Variants in NFKB1 observed in about 807,000 individuals in gnomAD.
NFKB1 encodes the protein nuclear factor kappa B subunit 1.
In NFKB1, 9 loss-of-function variants were observed where a neutral mutation model predicts 105.1. The observed-to-expected ratio is 0.09, with a 90% CI of 0.05 to 0.15. The LOEUF (loss-of-function observed/expected upper bound fraction) is 0.15, where lower values mean the gene tolerates loss of function less well. Ranked by LOEUF, NFKB1 falls within the 10% of genes least tolerant of loss-of-function variation. The pLI, the probability that NFKB1 is intolerant of heterozygous loss-of-function variation, is 1.00. For missense variants in NFKB1, 830 were observed against 1,203.7 expected (o/e 0.69, Z 4.59); for synonymous variants, 440 against 442.2 (o/e 1.00, Z 0.06).
intron 2 of NFKB1, among the ~76,000 whole-genome samples, chr4:102,526,637 A>C (rs985599568): frequency 6.6e-6 from 1 of 152,160 alleles, no homozygotes; most frequent in Non-Finnish European, 1.5e-5. Flanking sequence ...TTGAAGAATC[A>C]CTTAGTCCCC....
intron 1 of NFKB1, among the ~76,000 whole-genome samples, chr4:102,518,610 A>ATT (rs1740358903): frequency 6.6e-6 from 1 of 152,206 alleles, no homozygotes; most frequent in South Asian, 2.1e-4. Flanking sequence ...GAATCACCAC[A>ATT]AAGCAAATTA....
chr4:102,516,698 T>A (rs972225887), intron 1 of NFKB1, among the ~76,000 whole-genome samples: 1 of 152,222 alleles, frequency 6.6e-6, no homozygotes, highest in Non-Finnish European at 1.5e-5. Context: ...GTCATTTGTG[T>A]CATTTTTTTT....
At chr4:102,594,765 C>T in intron 12 of NFKB1, 127 bp from the exon 13 acceptor site, 1 of 570,738 alleles carries the variant, frequency 1.8e-6, no homozygotes, top group East Asian at 2.8e-5. Context: ...ACAGAAAAAC[C>T]ATGTGTGGGC....
In NFKB1 at chr4:102,579,529, T is replaced by G. The variant is rs1004157901; in HGVS notation, c.730+490T>G. ...CAGCATGTGACTTCAAAATCCTATT[T>G]CAAGCCGGGTTTGGCGTCATGCCCT... On this transcript the variant is annotated intron_variant, in intron 8 of 23. Coordinates refer to ENST00000226574, the MANE Select transcript of NFKB1 (RefSeq NM_003998.4). Among the ~76,000 whole-genome samples, 3 of 151,784 alleles carry G rather than the reference T, an allele frequency of 2.0e-5. No homozygotes were observed. The East Asian group carries it at 5.8e-4, about 29-fold the overall frequency.
chr4:102,576,743 C>A, intron 6 of NFKB1, 133 bp from the exon 7 acceptor site: 2 of 918,414 alleles, frequency 2.2e-6, no homozygotes, highest in Non-Finnish European at 3.3e-6. Flanking sequence ...ATGCATGTAG[C>A]CCCAAGAGAT....
intron 22 of NFKB1, 122 bp from the exon 23 acceptor site, chr4:102,613,303 T>G: frequency 9.9e-7 from 1 of 1,007,324 alleles, no homozygotes. Flanking sequence ...CCCTTTCCAT[T>G]TCCTCCTGGC....
chr4:102,576,251 T>C (rs1724810768), intron 6 of NFKB1, among the ~76,000 whole-genome samples: 1 of 152,188 alleles, frequency 6.6e-6, no homozygotes, highest in South Asian at 2.1e-4. Flanking sequence ...GAAGATGAGA[T>C]TATAAGTAGA....
intron 11 of NFKB1, 22 bp downstream of exon 11, chr4:102,584,842 T>C: frequency 6.4e-7 from 1 of 1,572,706 alleles, no homozygotes; most frequent in Non-Finnish European, 8.6e-7. Flanking sequence ...GTTTAAAATC[T>C]TATGCTCATA....
At chr4:102,607,406 G>C (rs1727873918) in intron 18 of NFKB1, 87 bp downstream of exon 18, 4 of 1,411,950 alleles carry the variant, frequency 2.8e-6, no homozygotes, top group Admixed American at 1.8e-5. Flanking sequence ...AGTAGCTGCT[G>C]TTCTCCCTTA....
At position 102,558,383 on chromosome 4, in the gene NFKB1, TTC is replaced by T. The variant is rs1723149412; in HGVS notation, c.259-8602_259-8601del. Among the ~76,000 whole-genome samples the T allele has an allele frequency of 2.0e-5, 3 of 152,312 alleles. No individual in the cohort carries two copies. In the South Asian group the frequency reaches 6.2e-4, roughly 32 times the overall value. ...TGTCCCTGCAAAGGACATGATCTTG[TTC>T]TTTTTCATTTCTGCATAGTATTCAA... On this transcript the variant is annotated intron_variant, in intron 5 of 23. Transcript: ENST00000226574.
At chr4:102,531,439 T>G (rs1741282955) in intron 3 of NFKB1, among the ~76,000 whole-genome samples, 1 of 152,208 alleles carries the variant, frequency 6.6e-6, no homozygotes, top group Non-Finnish European at 1.5e-5. Context: ...TATTCAAATT[T>G]TTAAAGAGGT....
chr4:102,581,032 C>A (rs1578791064), intron 9 of NFKB1, among the ~76,000 whole-genome samples: 2 of 152,224 alleles, frequency 1.3e-5, no homozygotes, highest in East Asian at 3.9e-4. Context: ...GTTTTTATTT[C>A]TTTTGCAATG....
At chr4:102,609,312 G>A (rs1055153137) in intron 19 of NFKB1, among the ~76,000 whole-genome samples, 20 of 151,886 alleles carry the variant, frequency 1.3e-4, no homozygotes, top group African/African-American at 4.1e-4. Flanking sequence ...TCTTAATGTC[G>A]TGGAAAAGGT....
At chr4:102,528,622 G>A (rs1405939067) in intron 2 of NFKB1, among the ~76,000 whole-genome samples, 1 of 152,120 alleles carries the variant, frequency 6.6e-6, no homozygotes, top group Non-Finnish European at 1.5e-5. Flanking sequence ...AATATGGCTG[G>A]TTTCCATGCT....
intron 21 of NFKB1, 56 bp from the exon 22 acceptor site, chr4:102,612,378 C>T: frequency 2.6e-6 from 4 of 1,563,096 alleles, no homozygotes; most frequent in Non-Finnish European, 3.5e-6. Flanking sequence ...TGATCAGTCC[C>T]TCCAGAGTGT....
Position 102,607,274 on chromosome 4 carries a change from T to A in NFKB1, c.2079T>A (p.Ala693=). The A allele has an allele frequency of 6.2e-7, 1 of 1,614,198 alleles. No homozygotes were observed. Among genetic ancestry groups the A allele is most frequent in the Non-Finnish European group, 8.5e-7 (1 of 1,179,996 alleles). ...CCGGGCGCACAGCACTGCACCTGGC[T>A]GTGGAGCACGACAACATCTCATTGG... ...QKSGRTALHL[A]VEHDNISLAG... is the part of the protein sequence containing the mutation. The change falls in exon 18 of 24, where the codon GCT becomes GCA. Residue 693 remains alanine (A), a synonymous_variant. Coordinates refer to ENST00000226574, the MANE Select transcript of NFKB1 (RefSeq NM_003998.4).
chr4:102,586,977 G>A (rs1014406934), intron 11 of NFKB1, among the ~76,000 whole-genome samples: 1 of 152,246 alleles, frequency 6.6e-6, no homozygotes, highest in Admixed American at 6.5e-5. Context: ...CTTTTCTGAG[G>A]TTGTGGCCTC....
At chr4:102,511,008 T>C in intron 1 of NFKB1, 1 of 1,192,918 alleles carries the variant, frequency 8.4e-7, no homozygotes, top group Middle Eastern at 2.2e-4. Flanking sequence ...GGATTGGAGA[T>C]GAGGAGGGGT....
intron 5 of NFKB1, among the ~76,000 whole-genome samples, chr4:102,558,178 C>T (rs575490136): frequency 1.4e-4 from 22 of 151,868 alleles, no homozygotes; most frequent in Non-Finnish European, 2.9e-4. Context: ...TTTCCTGGTC[C>T]TGTCTGTCCT....
Sources: allele counts gnomAD v4.1 joint callset (sites outside exome capture counted in the v4.1 genomes callset), GRCh38; gene constraint gnomAD v4.1.1; transcripts MANE v1.5; gene names NCBI Gene and HGNC (gene_info 2026-07-23, HGNC 2026-07-21).